Variants in ZDHHC14 observed in about 807,000 individuals in gnomAD.
ZDHHC14 encodes the protein palmitoyltransferase ZDHHC14.
ZDHHC14 carries 16 observed loss-of-function variants against 47.7 expected under a neutral mutation model. The ratio of observed to expected loss-of-function variants is 0.34; its 90% CI spans 0.23 to 0.51. The LOEUF is 0.51. ZDHHC14 is among the 20% of genes least tolerant of loss of function. The pLI is 0.97. For synonymous variants in ZDHHC14, 293 were observed against 278.9 expected (o/e 1.05, Z -0.50); for missense variants, 515 against 662.5 (o/e 0.78, Z 2.44).
chr6:157,607,441 T>C (rs1159968853), intron 3 of ZDHHC14, among the ~76,000 whole-genome samples: 2 of 152,192 alleles, frequency 1.3e-5, no homozygotes, highest in African/African-American at 4.8e-5. Context: ...TTCCGCTTCC[T>C]CTCTCTCTTC....
At chr6:157,546,735 A>G (rs531233581) in intron 2 of ZDHHC14, among the ~76,000 whole-genome samples, 6 of 152,318 alleles carry the variant, frequency 3.9e-5, no homozygotes, top group African/African-American at 1.4e-4. Flanking sequence ...GTTAGAAAAA[A>G]ATGACAAAAA....
chr6:157,657,082 T>C (rs1356440828), intron 8 of ZDHHC14, among the ~76,000 whole-genome samples: 1 of 151,744 alleles, frequency 6.6e-6, no homozygotes, highest in Non-Finnish European at 1.5e-5. Context: ...AGGGTCTCAC[T>C]CTGTCGCCCA....
intron 1 of ZDHHC14, among the ~76,000 whole-genome samples, chr6:157,423,101 A>G (rs1353054815): frequency 5.3e-5 from 8 of 152,230 alleles, no homozygotes; most frequent in Non-Finnish European, 1.0e-4. Flanking sequence ...GGCAGCTGGC[A>G]CTTGAATGGG....
chr6:157,389,456 G>A (rs1777379364), intron 1 of ZDHHC14, among the ~76,000 whole-genome samples: 1 of 152,168 alleles, frequency 6.6e-6, no homozygotes, highest in African/African-American at 2.4e-5. Context: ...TAACATGGAT[G>A]CAACAGTCCG....
At chr6:157,632,448 T>C in intron 4 of ZDHHC14, 1 of 203,338 alleles carries the variant, frequency 4.9e-6, no homozygotes, top group Non-Finnish European at 1.0e-5. Context: ...CGTAGCCTAG[T>C]TTCCAGAACT....
intron 8 of ZDHHC14, among the ~76,000 whole-genome samples, chr6:157,670,420 A>T (rs1012390337): frequency 6.6e-6 from 1 of 152,194 alleles, no homozygotes; most frequent in Admixed American, 6.5e-5. Context: ...CAGCCTCCTG[A>T]GAAGCTGGGA....
intron 2 of ZDHHC14, among the ~76,000 whole-genome samples, chr6:157,553,891 C>T (rs1430625316): frequency 2.6e-5 from 4 of 152,126 alleles, no homozygotes; most frequent in East Asian, 1.9e-4. Context: ...GGAAAGCAGA[C>T]GGAGGTGCCA....
At chr6:157,461,062 T>G (rs180909936) in intron 1 of ZDHHC14, among the ~76,000 whole-genome samples, 1 of 152,234 alleles carries the variant, frequency 6.6e-6, no homozygotes, top group Non-Finnish European at 1.5e-5. Flanking sequence ...CTGGTTAAAA[T>G]GCACATGCAA....
chr6:157,399,019 C>T (rs1250631421), intron 1 of ZDHHC14, among the ~76,000 whole-genome samples: 2 of 152,204 alleles, frequency 1.3e-5, no homozygotes, highest in Non-Finnish European at 2.9e-5. Flanking sequence ...GTTTATGAAG[C>T]TCTGCAATTT....
At chr6:157,540,328 C>T (rs966284231) in intron 1 of ZDHHC14, among the ~76,000 whole-genome samples, 7 of 152,146 alleles carry the variant, frequency 4.6e-5, no homozygotes, top group African/African-American at 1.2e-4. Flanking sequence ...GGACAGGGAA[C>T]GGTGGAGGGC....
At chr6:157,419,323 C>T (rs1216626766) in intron 1 of ZDHHC14, among the ~76,000 whole-genome samples, 1 of 152,136 alleles carries the variant, frequency 6.6e-6, no homozygotes, top group Non-Finnish European at 1.5e-5. Context: ...GTCATGTGCC[C>T]ATCATTACAG....
intron 1 of ZDHHC14, among the ~76,000 whole-genome samples, chr6:157,483,958 T>C (rs1583692378): frequency 6.6e-6 from 1 of 152,120 alleles, no homozygotes; most frequent in African/African-American, 2.4e-5. Flanking sequence ...TGGAATACTA[T>C]GCAGCCACAA....
At chr6:157,442,958 A>T (rs1232131657) in intron 1 of ZDHHC14, among the ~76,000 whole-genome samples, 2 of 152,212 alleles carry the variant, frequency 1.3e-5, no homozygotes, top group Non-Finnish European at 2.9e-5. Flanking sequence ...AAGCCAATCA[A>T]GTAACTGCCT....
intron 8 of ZDHHC14, among the ~76,000 whole-genome samples, chr6:157,658,709 C>G (rs1778211090): frequency 6.6e-6 from 1 of 152,166 alleles, no homozygotes; most frequent in African/African-American, 2.4e-5. Flanking sequence ...TTGCTAAATT[C>G]AGTTTGCTAG....
chr6:157,475,148 T>A (rs1779450538), intron 1 of ZDHHC14, among the ~76,000 whole-genome samples: 1 of 152,164 alleles, frequency 6.6e-6, no homozygotes, highest in South Asian at 2.1e-4. Flanking sequence ...TTATCCTTTT[T>A]CCTTTGCGTG....
At chr6:157,504,448 T>TGC (rs1780270218) in intron 1 of ZDHHC14, among the ~76,000 whole-genome samples, 1 of 113,078 alleles carries the variant, frequency 8.8e-6, no homozygotes, top group African/African-American at 4.2e-5. Flanking sequence ...GCACCCAGCC[T>TGC]ATTTTTTTTT....
intron 8 of ZDHHC14, among the ~76,000 whole-genome samples, chr6:157,655,744 C>T (rs1778057538): frequency 6.6e-6 from 1 of 152,204 alleles, no homozygotes; most frequent in Non-Finnish European, 1.5e-5. Context: ...TGAGCAGATA[C>T]ATGAAGGAAG....
chr6:157,615,855 A>T (rs1012109163), intron 3 of ZDHHC14, among the ~76,000 whole-genome samples: 37 of 152,360 alleles, frequency 2.4e-4, no homozygotes, highest in African/African-American at 7.7e-4. Flanking sequence ...AAAATGAAAA[A>T]TAATGAGGAA....
chr6:157,402,056 C>G (rs1777651001), intron 1 of ZDHHC14, among the ~76,000 whole-genome samples: 1 of 132,064 alleles, frequency 7.6e-6, no homozygotes, highest in Admixed American at 7.6e-5. Context: ...GAAGTCACAG[C>G]AAGTGAGATG....
Sources: allele counts gnomAD v4.1 joint callset (sites outside exome capture counted in the v4.1 genomes callset), GRCh38; gene constraint gnomAD v4.1.1; transcripts MANE v1.5; gene names NCBI Gene and HGNC (gene_info 2026-07-23, HGNC 2026-07-21).